The following SPTAN1 variants were observed in gnomAD, a reference collection of about 807,000 sequenced individuals.
The protein encoded by SPTAN1 is spectrin alpha chain, non-erythrocytic 1.
SPTAN1 carries 61 observed loss-of-function variants against 331.3 expected under a neutral mutation model. The ratio of observed to expected loss-of-function variants is 0.18; its 90% CI spans 0.15 to 0.23. The LOEUF (loss-of-function observed/expected upper bound fraction) is 0.23. Among genes scored for constraint, SPTAN1 ranks in the 10% least tolerant of loss-of-function variants. The pLI, the probability that SPTAN1 is intolerant of heterozygous loss-of-function variation, is 1.00. For synonymous variants in SPTAN1, 1,153 were observed against 1,173.9 expected, an observed-to-expected ratio of 0.98 and a Z score of 0.36; for missense variants, 2,043 against 3,147.9, an observed-to-expected ratio of 0.65 and a Z score of 8.40.
chr9:128,576,818 T>C lies in SPTAN1; in HGVS notation c.652-5T>C, dbSNP rs1029752624. 6.8e-6 allele frequency: 11 copies of C among 1,613,388 alleles called. No individual in the cohort carries two copies. In the Middle Eastern group the frequency reaches 6.6e-4, roughly 96 times the overall value. ...CAAATCCAGTCTCTTCTCTTCCTTG[T>C]TTAGGAGCAGCACCCTGAGGAGGAA... On this transcript the variant is annotated splice_polypyrimidine_tract_variant and splice_region_variant and intron_variant, in intron 5 of 56. Transcript: ENST00000372739.
At chr9:128,560,403 C>G (rs1292838439) in intron 1 of SPTAN1, among the ~76,000 whole-genome samples, 1 of 142,862 alleles carries the variant, frequency 7.0e-6, no homozygotes, top group African/African-American at 2.6e-5. Flanking sequence ...TTTTTTGACA[C>G]GGAGTCTAGC....
intron 37 of SPTAN1, among the ~76,000 whole-genome samples, chr9:128,610,239 AAGG>A (rs1856415798): frequency 6.6e-6 from 1 of 152,230 alleles, no homozygotes. Context: ...CAGGTAGTGA[AAGG>A]AGACTTCAGT....
intron 19 of SPTAN1, 147 bp downstream of exon 19, chr9:128,586,112 G>GTTTTTTTTTT (rs35434571): frequency 4.8e-6 from 1 of 206,702 alleles, no homozygotes. Context: ...TTTTCACTTG[G>GTTTTTTTTTT]TTTTTTTTTT....
intron 45 of SPTAN1, among the ~76,000 whole-genome samples, chr9:128,622,624 C>T (rs572149560): frequency 6.6e-6 from 1 of 152,090 alleles, no homozygotes; most frequent in South Asian, 2.1e-4. Context: ...TTGTCCTCAG[C>T]GACAGCCTGT....
chr9:128,610,226 C>T (rs1856415117), intron 37 of SPTAN1, among the ~76,000 whole-genome samples: 1 of 152,160 alleles, frequency 6.6e-6, no homozygotes, highest in Non-Finnish European at 1.5e-5. Flanking sequence ...AGACATCACT[C>T]AACAGGTAGT....
At chr9:128,604,809 T>A (rs1855606708) in intron 29 of SPTAN1, among the ~76,000 whole-genome samples, 1 of 152,038 alleles carries the variant, frequency 6.6e-6, no homozygotes, top group South Asian at 2.1e-4. Flanking sequence ...TGGGCGCCTG[T>A]AATCCTAGCT....
Position 128,625,885 on chromosome 9 carries a change from G to A in SPTAN1, c.6186G>A (p.Arg2062=), listed in dbSNP as rs761409296. 1.9e-6 allele frequency: 3 copies of A among 1,614,172 alleles called. No individual in the cohort carries two copies. The highest frequency in any genetic ancestry group is 1.1e-5 in the South Asian group (1 of 91,090). The change falls in exon 48 of 57, where the codon CGG becomes CGA. Residue 2062 remains arginine, a synonymous_variant. Transcript: ENST00000372739. The surrounding 1 kb of genome is among the most constrained non-coding windows in gnomAD (Gnocchi z 4.1). ...TTCAGTCCAAGGCCATCGAGGCCCG[G>A]CACGCCTCCCTCATGAAGAGGTGGA... The part of the protein sequence containing the change: ...KHVQSKAIEA[R]HASLMKRWSQ...
intron 1 of SPTAN1, among the ~76,000 whole-genome samples, chr9:128,559,771 G>A (rs1271524483): frequency 1.4e-5 from 2 of 146,852 alleles, no homozygotes; most frequent in Non-Finnish European, 3.0e-5. Context: ...TTGCTTTTTC[G>A]TCGCCCAGGC....
chr9:128,619,968 T>C (rs1857638761), intron 44 of SPTAN1, among the ~76,000 whole-genome samples: 1 of 152,180 alleles, frequency 6.6e-6, no homozygotes, highest in Admixed American at 6.5e-5. Flanking sequence ...CTGAGCCTGA[T>C]TGTCATCCAG....
In SPTAN1 at chr9:128,629,375, A is replaced by G. The variant is rs1299722853; in HGVS notation, c.6708-946A>G. On this transcript the variant is annotated intron_variant, in intron 51 of 56. Transcript: ENST00000372739. This position sits in a 1 kb window ranked among gnomAD's most constrained non-coding sequence, Gnocchi z 4.9. Reference sequence around the variant, plus strand: ...TGGGGGGCATTTTCCCCGGGGGGACATGGCGTGACTGTGAGTCTGACCTGC... The same window carrying G: ...TGGGGGGCATTTTCCCCGGGGGGACGTGGCGTGACTGTGAGTCTGACCTGC... 6.6e-6 allele frequency among the ~76,000 whole-genome samples: 1 copy of G among 151,804 alleles called. No individual in the cohort carries two copies. The highest frequency in any genetic ancestry group is 1.5e-5 in the Non-Finnish European group (1 of 67,934).
chr9:128,626,203 G>A (rs961512894), intron 48 of SPTAN1, 188 bp from the exon 49 acceptor site: 7 of 934,614 alleles, frequency 7.5e-6, no homozygotes, highest in African/African-American at 4.9e-5. Flanking sequence ...AGGGCAAAGG[G>A]TAGGAAGGGG....
At chr9:128,559,074 G>A (rs1036749353) in intron 1 of SPTAN1, among the ~76,000 whole-genome samples, 4 of 152,134 alleles carry the variant, frequency 2.6e-5, no homozygotes, top group South Asian at 2.1e-4. Flanking sequence ...TGCAGTGGGA[G>A]CACATTGGTG....
chr9:128,628,080 C>A, intron 51 of SPTAN1, 138 bp downstream of exon 51: 1 of 1,059,058 alleles, frequency 9.4e-7, no homozygotes, highest in Non-Finnish European at 1.5e-6. Flanking sequence ...CCACCCTTCT[C>A]GTCACCTGAT....
intron 1 of SPTAN1, among the ~76,000 whole-genome samples, chr9:128,561,217 A>G (rs951999198): frequency 4.0e-5 from 6 of 150,998 alleles, no homozygotes; most frequent in Non-Finnish European, 7.4e-5. Context: ...GAAGAGAAAT[A>G]CAAAAATTAG....
intron 44 of SPTAN1, among the ~76,000 whole-genome samples, chr9:128,619,940 T>G (rs1857635632): frequency 6.6e-6 from 1 of 152,186 alleles, no homozygotes; most frequent in Admixed American, 6.5e-5. Flanking sequence ...GGCTGAGAGA[T>G]CCATCACACA....
At chr9:128,603,518 G>C in intron 27 of SPTAN1, 25 bp from the exon 28 acceptor site, 1 of 1,614,008 alleles carries the variant, frequency 6.2e-7, no homozygotes, top group Non-Finnish European at 8.5e-7. Context: ...GATTAGTTTT[G>C]CCTTCTGCTT....
At position 128,625,085 on chromosome 9, in the gene SPTAN1, C is replaced by T; in HGVS notation, c.5993-18C>T. On this transcript the variant is annotated intron_variant, in intron 46 of 56. Transcript: ENST00000372739. This position sits in a 1 kb window ranked among gnomAD's most constrained non-coding sequence, Gnocchi z 4.1. ...TCCACTGAGGAGGGCAGTATATTTT[C>T]CACACTTCGTTTTCTAGGTGAAAAG... 1 of 1,613,406 alleles carries T rather than the reference C, an allele frequency of 6.2e-7. No individual in the cohort carries two copies. The highest frequency in any genetic ancestry group is 8.5e-7 in the Non-Finnish European group (1 of 1,179,416).
intron 44 of SPTAN1, among the ~76,000 whole-genome samples, chr9:128,619,940 T>TC (rs1475664114): frequency 6.6e-6 from 1 of 152,186 alleles, no homozygotes; most frequent in East Asian, 1.9e-4. Flanking sequence ...GGCTGAGAGA[T>TC]CCATCACACA....
Position 128,583,225 on chromosome 9 carries a change from G to T in SPTAN1, c.1955G>T (p.Arg652Leu). 1.9e-6 allele frequency: 3 copies of T among 1,614,024 alleles called. No individual in the cohort carries two copies. The highest frequency in any genetic ancestry group is 2.5e-6 in the Non-Finnish European group (3 of 1,180,032). ...TATGCCAAGGATGAAGTGGCAGCTC[G>T]TATGAATGAGGTGATCAGTTTGTGG... ...NHYAKDEVAA[R>L]MNEVISLWKK... The change falls in exon 15 of 57, where the codon CGT (arginine) becomes CTT (leucine). Residue 652 changes from arginine (R) to leucine (L), a missense_variant. By Grantham distance (102) the Arg-to-Leu change is moderately radical (BLOSUM62 -2). Coordinates refer to ENST00000372739, the MANE Select transcript of SPTAN1 (RefSeq NM_001130438.3).
Sources: gnomAD v4.1 joint callset for allele counts (sites outside exome capture counted in the v4.1 genomes callset) on GRCh38, gnomAD v4.1.1 for gene constraint, Gnocchi (gnomAD v3.1) non-coding constraint, MANE v1.5 for transcripts, NCBI Gene and HGNC (gene_info 2026-07-23, HGNC 2026-07-21) for gene names.